Variants in SARS1 observed in about 807,000 individuals in gnomAD.
SARS1 encodes serine--tRNA ligase, cytoplasmic.
SARS1 carries 25 observed loss-of-function variants against 63.7 expected under a neutral mutation model. The ratio of observed to expected loss-of-function variants is 0.39; its 90% CI spans 0.29 to 0.55. The LOEUF (loss-of-function observed/expected upper bound fraction) is 0.55. Among genes scored for constraint, SARS1 ranks in the 20% least tolerant of loss-of-function variants. The probability of loss-of-function intolerance (pLI) is 0.62; values close to 1 mark genes in which losing one functional copy is unlikely to be tolerated. For synonymous variants in SARS1, 231 were observed against 243.5 expected (o/e 0.95, Z 0.48); for missense variants, 417 against 649.7 (o/e 0.64, Z 3.89).
Position 109,214,984 on chromosome 1 carries a change from G to A in SARS1, c.136+856G>A. ...TGGGCGGATGCTGTCAAGTACTTGT[G>A]ATTTGATTTGTCTGATGCAATAGGT... On this transcript the variant is annotated intron_variant, in intron 1 of 10. Coordinates refer to ENST00000234677, the MANE Select transcript of SARS1 (RefSeq NM_006513.4). The surrounding 1 kb of genome is among the most constrained non-coding windows in gnomAD (Gnocchi z 4.6). 2.0e-6 allele frequency: 2 copies of A among 985,462 alleles called. No homozygotes were observed. Among genetic ancestry groups the A allele is most frequent in the Non-Finnish European group, 2.4e-6 (2 of 829,934 alleles). 61.0% of individuals were successfully genotyped at this position (985,462 alleles called of 1,614,324 possible).
rs2101207417 is a variant in SARS1 at position 109,235,411 on chromosome 1, C to T, written c.949C>T (p.Arg317Ter). Residue 317 changes from arginine (R) to a stop codon, truncating the protein, a stop_gained, in exon 7 of 11, where the codon CGA becomes TGA. Coordinates refer to ENST00000234677, the MANE Select transcript of SARS1 (RefSeq NM_006513.4). LOFTEE classifies it high-confidence loss of function. This position sits in a 1 kb window ranked among gnomAD's most constrained non-coding sequence, Gnocchi z 4.7. The stretch of plus-strand genomic sequence containing the variant: ...TGGCCGTGACACCCGTGGCATCTTC[C>T]GAGTCCATCAGTTTGAGAAGGTGAG... Reference protein sequence around the residue: ...SHGRDTRGIFRVHQFEKIEQF... With the variant: ...SHGRDTRGIF The T allele has an allele frequency of 1.2e-6, 2 of 1,613,064 alleles. No individual in the cohort carries two copies. The highest frequency in any genetic ancestry group is 1.7e-6 in the Non-Finnish European group (2 of 1,179,978).
chr1:109,215,482 CAT>C, intron 1 of SARS1: 1 of 984,818 alleles, frequency 1.0e-6, no homozygotes, highest in East Asian at 1.1e-4. Context: ...CAATTTTATT[CAT>C]ACAGTATATA....
chr1:109,223,008 C>A (rs1281351172), intron 1 of SARS1, among the ~76,000 whole-genome samples: 1 of 152,178 alleles, frequency 6.6e-6, no homozygotes, highest in Non-Finnish European at 1.5e-5. Flanking sequence ...GAGTGAGACC[C>A]TGTCTCAACA....
intron 1 of SARS1, among the ~76,000 whole-genome samples, chr1:109,221,999 TATATATATATA>T (rs1422800847): frequency 0.021 from 263 of 12,556 alleles, 3 homozygotes; most frequent in East Asian, 0.041. Flanking sequence ...TATATATATA[TATATATATATA>T]TTTTTTTTTT....
At position 109,214,455 on chromosome 1, in the gene SARS1, T is replaced by G. The variant is rs116221847; in HGVS notation, c.136+327T>G. 2,469 of 912,360 alleles carry G rather than the reference T, an allele frequency of 2.7e-3. 37 individuals carry two copies. In the African/African-American group the frequency reaches 0.039, roughly 15 times the overall value. The allele number at this position is 912,360 out of a possible 1,614,324, so 56.5% of individuals were successfully genotyped here. Reference sequence around the variant, plus strand: ...CATGCCGGGGCGGGAGGTTGTGGGGTCTACGCGGCTTTCCTAACACGAATC... The same window carrying G: ...CATGCCGGGGCGGGAGGTTGTGGGGGCTACGCGGCTTTCCTAACACGAATC... On this transcript the variant is annotated intron_variant, in intron 1 of 10. Transcript: ENST00000234677. The surrounding 1 kb of genome is among the most constrained non-coding windows in gnomAD (Gnocchi z 4.6).
chr1:109,217,502 A>G (rs1287888605), intron 1 of SARS1, among the ~76,000 whole-genome samples: 3 of 150,876 alleles, frequency 2.0e-5, no homozygotes, highest in South Asian at 2.1e-4. Context: ...TTTTAGTAAT[A>G]CATTTTATTT....
chr1:109,237,772 G>T lies in SARS1; in HGVS notation c.1429G>T (p.Glu477Ter). ...CCCCTTTGTGAAGCCTGCGCCCATT[G>T]AGCAGGAGCCATCAAAGAAGCAGAA... is the stretch of plus-strand genomic sequence containing the variant. ...LIPFVKPAPI[E>*]QEPSKKQKKQ... Residue 477 changes from glutamate (E) to a stop codon, truncating the protein, a stop_gained, in exon 11 of 11, where the codon GAG (glutamate) becomes TAG (stop). Transcript: ENST00000234677. LOFTEE classifies it high-confidence loss of function. This position sits in a 1 kb window ranked among gnomAD's most constrained non-coding sequence, Gnocchi z 4.1. 1 of 1,614,168 alleles carries T rather than the reference G, an allele frequency of 6.2e-7. No homozygotes were observed. Among genetic ancestry groups the T allele is most frequent in the Non-Finnish European group, 8.5e-7 (1 of 1,180,038 alleles).
intron 1 of SARS1, among the ~76,000 whole-genome samples, chr1:109,217,863 A>G (rs1190644171): frequency 6.6e-6 from 1 of 152,022 alleles, no homozygotes; most frequent in African/African-American, 2.4e-5. Flanking sequence ...CCCAGCCCCG[A>G]AATTATATTT....
At position 109,223,986 on chromosome 1, in the gene SARS1, C is replaced by T. The variant is rs759549225; in HGVS notation, c.145C>T (p.Arg49Trp). Residue 49 changes from arginine (R) to tryptophan (W), a missense_variant, in exon 2 of 11, where the codon CGG becomes TGG. Coordinates refer to ENST00000234677, the MANE Select transcript of SARS1 (RefSeq NM_006513.4). Reference sequence around the variant, plus strand: ...GGATTCTTTATTCCTAGGTAGATTTCGGGCAGACAACTTGAACAAGCTGAA... The same window carrying T: ...GGATTCTTTATTCCTAGGTAGATTTTGGGCAGACAACTTGAACAAGCTGAA... ...ADSEWRRCRF[R>W]ADNLNKLKNL... The T allele has an allele frequency of 5.0e-6, 8 of 1,611,996 alleles. No homozygotes were observed. The highest frequency in any genetic ancestry group is 3.3e-5 in the South Asian group (3 of 91,040).
intron 2 of SARS1, among the ~76,000 whole-genome samples, chr1:109,227,432 C>T (rs1238567762): frequency 1.3e-5 from 2 of 152,212 alleles, no homozygotes; most frequent in Non-Finnish European, 2.9e-5. Context: ...AGAACGAAAT[C>T]CAACCCTGGT....
rs766057997 is a variant in SARS1 at position 109,236,049 on chromosome 1, G to A, written c.1042G>A (p.Ala348Thr). The A allele has an allele frequency of 2.0e-5, 33 of 1,613,720 alleles. 1 individual carries two copies. The highest frequency in any genetic ancestry group is 5.0e-5 in the Admixed American group (3 of 59,970). Residue 348 changes from alanine (A) to threonine (T), a missense_variant, in exon 8 of 11, where the codon GCA becomes ACA. Ala to Thr is a moderately conservative substitution (Grantham distance 58, BLOSUM62 0). Around this residue, in one of 3 missense-constraint regions of SARS1, gnomAD observed 359 missense variants for 529.6 expected, o/e 0.68. Transcript: ENST00000234677. ...WEMFEEMITT[A>T]EEFYQSLGIP... The stretch of plus-strand genomic sequence containing the variant: ...GATGTTTGAAGAGATGATTACCACC[G>A]CAGAGGAGTTCTACCAGTCCCTGGG...
Position 109,237,119 on chromosome 1 carries a change from G to A in SARS1, c.1258-125G>A. On this transcript the variant is annotated intron_variant, in intron 9 of 10. Transcript: ENST00000234677. This position sits in a 1 kb window ranked among gnomAD's most constrained non-coding sequence, Gnocchi z 4.1. The stretch of plus-strand genomic sequence containing the variant: ...TTTAGAAAAAAGTTGCTAAGGGGTA[G>A]AACCCATCATTTTGATTTGGACAGT... 1.4e-6 allele frequency: 2 copies of A among 1,438,476 alleles called. No homozygotes were observed. The highest frequency in any genetic ancestry group is 1.4e-5 in the South Asian group (1 of 72,366). 89.1% of individuals were successfully genotyped at this position (1,438,476 alleles called of 1,614,324 possible).
At chr1:109,225,245 C>T (rs2101192660) in intron 2 of SARS1, among the ~76,000 whole-genome samples, 1 of 152,168 alleles carries the variant, frequency 6.6e-6, no homozygotes, top group Admixed American at 6.5e-5. Context: ...AAAAGATGAC[C>T]TCGGGATTCT....
intron 2 of SARS1, among the ~76,000 whole-genome samples, chr1:109,225,122 T>A (rs546501048): frequency 8.2e-4 from 125 of 152,086 alleles, no homozygotes; most frequent in East Asian, 6.2e-3. Flanking sequence ...ATAAATAAAT[T>A]AATTAATTAA....
intron 1 of SARS1, chr1:109,215,167 T>G (rs759081365): frequency 1.6e-5 from 16 of 985,490 alleles, no homozygotes; most frequent in Non-Finnish European, 1.9e-5. Flanking sequence ...TTGTGCTGAT[T>G]CTATGTCTTA....
chr1:109,218,850 TC>T (rs1215827918), intron 1 of SARS1, among the ~76,000 whole-genome samples: 2 of 152,206 alleles, frequency 1.3e-5, no homozygotes, highest in Non-Finnish European at 2.9e-5. Flanking sequence ...TTTATACTAT[TC>T]CTGTATATAC....
chr1:109,221,222 A>T (rs993988778), intron 1 of SARS1, among the ~76,000 whole-genome samples: 1 of 152,072 alleles, frequency 6.6e-6, no homozygotes, highest in Non-Finnish European at 1.5e-5. Context: ...CACCACGCCC[A>T]GCTAATTTTT....
intron 1 of SARS1, among the ~76,000 whole-genome samples, chr1:109,222,391 G>A (rs1223287889): frequency 6.6e-6 from 1 of 152,086 alleles, no homozygotes; most frequent in African/African-American, 2.4e-5. Context: ...ATGTGTGTGT[G>A]TAGTTCTGTG....
chr1:109,236,575 G>A, intron 9 of SARS1, 27 bp downstream of exon 9: 1 of 1,593,848 alleles, frequency 6.3e-7, no homozygotes, highest in Non-Finnish European at 8.6e-7. Context: ...GAGGTGGGAA[G>A]CAGAGTCTTC....
Sources: allele counts gnomAD v4.1 joint callset (sites outside exome capture counted in the v4.1 genomes callset), GRCh38; gene constraint gnomAD v4.1.1; regional missense constraint gnomAD v4.1.1; non-coding constraint Gnocchi (gnomAD v3.1); transcripts MANE v1.5; gene names NCBI Gene and HGNC (gene_info 2026-07-23, HGNC 2026-07-21).